Variants in NRG4 observed in about 807,000 individuals in gnomAD.
NRG4 encodes pro-neuregulin-4, membrane-bound isoform.
NRG4 carries 10 observed loss-of-function variants against 15.0 expected under a neutral mutation model. The ratio of observed to expected loss-of-function variants is 0.67; its 90% CI spans 0.41 to 1.13. NRG4 has a LOEUF of 1.13. Among genes scored for constraint, NRG4 ranks in the 50% most tolerant of loss-of-function variants. The pLI is 0.00. For synonymous variants in NRG4, 41 were observed against 50.1 expected, an observed-to-expected ratio of 0.82 and a Z score of 0.77; for missense variants, 139 against 140.2, an observed-to-expected ratio of 0.99 and a Z score of 0.04.
At chr15:75,974,814 G>A (rs765784254) in intron 3 of NRG4, among the ~76,000 whole-genome samples, 1 of 152,230 alleles carries the variant, frequency 6.6e-6, no homozygotes, top group Non-Finnish European at 1.5e-5. Flanking sequence ...GTGGTGCTGA[G>A]AAGAATGTAT....
intron 4 of NRG4, among the ~76,000 whole-genome samples, chr15:76,041,238 A>G (rs959242975): frequency 6.6e-6 from 1 of 152,178 alleles, no homozygotes; most frequent in African/African-American, 2.4e-5. Flanking sequence ...AACAGGAAGG[A>G]AGGAAAAAAG....
chr15:75,997,356 C>T (rs1043562870), intron 3 of NRG4, among the ~76,000 whole-genome samples: 4 of 151,882 alleles, frequency 2.6e-5, no homozygotes, highest in African/African-American at 7.3e-5. Context: ...TTAAATACCC[C>T]TATTTTTTAG....
Position 75,977,537 on chromosome 15 carries a change from GTCCCTTGGCACT to G in NRG4, c.105-15575_105-15564del, listed in dbSNP as rs2033422214. Among the ~76,000 whole-genome samples, 1 of 152,200 alleles carries G rather than the reference GTCCCTTGGCACT, an allele frequency of 6.6e-6. No individual in the cohort carries two copies. Among genetic ancestry groups the G allele is most frequent in the African/African-American group, 2.4e-5 (1 of 41,446 alleles). On this transcript the variant is annotated intron_variant, in intron 3 of 5. Transcript: ENST00000394907. This position sits in a 1 kb window ranked among gnomAD's most constrained non-coding sequence, Gnocchi z 4.9. ...GGGCCAGAATGCACCATTCCTCACA[GTCCCTTGGCACT>G]TCCCTTGGCTAGGGGAGGGAATTCC...
At position 76,009,208 on chromosome 15, in the gene NRG4, T is replaced by C. The variant is rs1164094316; in HGVS notation, c.96A>G (p.Pro32=). The C allele has an allele frequency of 1.9e-6, 3 of 1,550,338 alleles. No individual in the cohort carries two copies. Among genetic ancestry groups the C allele is most frequent in the African/African-American group, 2.7e-5 (2 of 73,814 alleles). The change falls in exon 3 of 6, where the codon CCA becomes CCG. Residue 32 remains proline (P), a synonymous_variant. Transcript: ENST00000394907. ...TAGTCCATTTCACTCACCTACAAAA[T>C]GGGCTGGGAATAGTAGGTATCACAT... ...LCYVIPTIPS[P]FCRCVENYTG... is the part of the protein sequence containing the mutation.
At chr15:75,953,380 C>G (rs935565917) in intron 5 of NRG4, among the ~76,000 whole-genome samples, 3 of 152,284 alleles carry the variant, frequency 2.0e-5, no homozygotes, top group South Asian at 2.1e-4. Context: ...ATCTATATGT[C>G]TATCCTTATG....
Position 75,961,773 on chromosome 15 carries a change from G to A in NRG4, c.251+55C>T. On this transcript the variant is annotated intron_variant, in intron 4 of 5. Coordinates refer to ENST00000394907, the MANE Select transcript of NRG4 (RefSeq NM_138573.4). ...ACTAAGGGCATATTAATTATTTAGT[G>A]GAATAACTACTTTATGTATTACTTT... 3 of 1,282,246 alleles carry A rather than the reference G, an allele frequency of 2.3e-6. No individual in the cohort carries two copies. The South Asian group carries it at 3.9e-5, about 17-fold the overall frequency. 79.4% of individuals were successfully genotyped at this position (1,282,246 alleles called of 1,614,324 possible).
chr15:75,976,071 T>C (rs2033351216), intron 3 of NRG4, among the ~76,000 whole-genome samples: 1 of 152,212 alleles, frequency 6.6e-6, no homozygotes, highest in African/African-American at 2.4e-5. Flanking sequence ...TCTTCATGCT[T>C]TATTTCATCA....
chr15:75,965,693 T>C (rs1196836315), intron 3 of NRG4, among the ~76,000 whole-genome samples: 2 of 152,226 alleles, frequency 1.3e-5, no homozygotes, highest in Non-Finnish European at 2.9e-5. Context: ...CTCTAGCTCA[T>C]TTATGAAAAT....
chr15:75,955,912 T>A lies in NRG4; in HGVS notation c.331+20A>T. 7.1e-7 allele frequency: 1 copy of A among 1,402,770 alleles called. No individual in the cohort carries two copies. The highest frequency in any genetic ancestry group is 1.0e-6 in the Non-Finnish European group (1 of 987,776). The allele number at this position is 1,402,770 out of a possible 1,614,324, so 86.9% of individuals were successfully genotyped here. ...CTCATCTAGGGTTTTAAAATAAGCATTTGTTTTGAGTTTACTCACTGTGGT... is the reference window on the plus strand; with the variant it reads ...CTCATCTAGGGTTTTAAAATAAGCAATTGTTTTGAGTTTACTCACTGTGGT... On this transcript the variant is annotated intron_variant, in intron 5 of 5. Coordinates refer to ENST00000394907, the MANE Select transcript of NRG4 (RefSeq NM_138573.4).
chr15:76,047,886 T>C (rs2035910495), intron 4 of NRG4, among the ~76,000 whole-genome samples: 1 of 151,110 alleles, frequency 6.6e-6, no homozygotes, highest in Admixed American at 6.6e-5. Flanking sequence ...CCAGACGCAA[T>C]GGCTTGCAAC....
At chr15:75,952,071 T>G (rs2031934156) in intron 5 of NRG4, among the ~76,000 whole-genome samples, 1 of 152,252 alleles carries the variant, frequency 6.6e-6, no homozygotes, top group South Asian at 2.1e-4. Context: ...TTACTGATTT[T>G]TTATGGTTTT....
At chr15:75,967,481 G>GA (rs1747554453) in intron 3 of NRG4, among the ~76,000 whole-genome samples, 1 of 71,174 alleles carries the variant, frequency 1.4e-5, no homozygotes. Context: ...TTTTTTTTGA[G>GA]ATGGAGTCTT....
chr15:76,034,924 A>G (rs1161451359), intron 5 of NRG4, among the ~76,000 whole-genome samples: 1 of 152,208 alleles, frequency 6.6e-6, no homozygotes, highest in Non-Finnish European at 1.5e-5. Context: ...AGTCACAAGA[A>G]GTAATTAATA....
chr15:76,028,587 A>G (rs1463641961), intron 5 of NRG4, among the ~76,000 whole-genome samples: 1 of 151,594 alleles, frequency 6.6e-6, no homozygotes, highest in Non-Finnish European at 1.5e-5. Context: ...AATTCTTCTC[A>G]AACTGTTTAA....
At chr15:75,999,845 G>A (rs1332772855) in intron 3 of NRG4, among the ~76,000 whole-genome samples, 1 of 152,112 alleles carries the variant, frequency 6.6e-6, no homozygotes, top group African/African-American at 2.4e-5. Context: ...AGACCAGTAT[G>A]GGTAACATAG....
At chr15:75,938,822 CAA>C (rs1010444073), downstream of NRG4, 1 of 151,904 alleles carries the variant, frequency 6.6e-6, no homozygotes, top group African/African-American at 2.4e-5. Flanking sequence ...AAATCAGTAA[CAA>C]AAGGAAAATT....
At chr15:76,003,690 A>G (rs1255181056) in intron 3 of NRG4, among the ~76,000 whole-genome samples, 1 of 152,192 alleles carries the variant, frequency 6.6e-6, no homozygotes, top group Non-Finnish European at 1.5e-5. Flanking sequence ...CAGCAAGAAA[A>G]GTGACTCCTC....
In NRG4 at chr15:75,961,894, A is replaced by G. The variant is rs771455468; in HGVS notation, c.185T>C (p.Phe62Ser). ...GSSIQTKSNL[F>S]EAFVALAVLV... ...GACCGCCAATGCCACAAAAGCTTCA[A>G]ACAGGTTACTTTTAGTTTGGATGCT... The change falls in exon 4 of 6, where the codon TTT (phenylalanine) becomes TCT (serine). Residue 62 changes from phenylalanine (F) to serine (S), a missense_variant. By Grantham distance (155) the Phe-to-Ser change is radical. Coordinates refer to ENST00000394907, the MANE Select transcript of NRG4 (RefSeq NM_138573.4). 1 of 1,613,702 alleles carries G rather than the reference A, an allele frequency of 6.2e-7. No homozygotes were observed.
intron 5 of NRG4, among the ~76,000 whole-genome samples, chr15:75,946,019 G>A (rs1435425707): frequency 1.3e-5 from 2 of 152,126 alleles, no homozygotes; most frequent in Non-Finnish European, 2.9e-5. Flanking sequence ...GTAAAATAAG[G>A]GTTATTTGAA....
Sources: allele counts gnomAD v4.1 joint callset (sites outside exome capture counted in the v4.1 genomes callset), GRCh38; gene constraint gnomAD v4.1.1; non-coding constraint Gnocchi (gnomAD v3.1); transcripts MANE v1.5; gene names NCBI Gene and HGNC (gene_info 2026-07-23, HGNC 2026-07-21).